The following RDX variants were observed in gnomAD, a reference collection of about 807,000 sequenced individuals.
RDX encodes the protein deafness, autosomal recessive 24.
RDX carries 32 observed loss-of-function variants against 83.7 expected under a neutral mutation model. The ratio of observed to expected loss-of-function variants is 0.38; its 90% confidence interval spans 0.29 to 0.51. The LOEUF is 0.51. Among genes scored for constraint, RDX ranks in the 20% least tolerant of loss-of-function variants. The pLI is 0.87. For synonymous variants in RDX, 229 were observed against 222.7 expected (o/e 1.03, Z -0.25); for missense variants, 600 against 689.9 (o/e 0.87, Z 1.46).
Position 110,289,099 on chromosome 11 carries a change from G to A in RDX, c.-65+7368C>T, listed in dbSNP as rs113980277. 9.1e-4 allele frequency among the ~76,000 whole-genome samples: 138 copies of A among 152,108 alleles called. 1 individual carries two copies. Among genetic ancestry groups the A allele is most frequent in the African/African-American group, 3.2e-3 (133 of 41,494 alleles). On this transcript the variant is annotated intron_variant, in intron 1 of 13. Coordinates refer to ENST00000645495, the MANE Select transcript of RDX (RefSeq NM_002906.4). ...ACCAAAAATAAAAAATTAGCCGAGCGTGGTGGCGCATGCCTGTAATCCCAG... is the reference window on the plus strand; with the variant it reads ...ACCAAAAATAAAAAATTAGCCGAGCATGGTGGCGCATGCCTGTAATCCCAG...
At position 110,230,568 on chromosome 11, in the gene RDX, CACACACAGAGT is replaced by C. The variant is rs1864586365; in HGVS notation, c.*1290_*1300del. The C allele has an allele frequency of 7.2e-6, 1 of 139,222 alleles. No homozygotes were observed. The highest frequency in any genetic ancestry group is 2.7e-5 in the African/African-American group (1 of 37,162). 8.6% of individuals were successfully genotyped at this position (139,222 alleles called of 1,614,324 possible). A position where few individuals can be genotyped will look rare whatever the true frequency, so the allele number is the denominator to read the frequency against. Reference sequence around the variant, plus strand: ...AAGGTTAGCATTTCTCTCTCTCATACACACACAGAGTACACACACACACACACACACACACA... The same window carrying C: ...AAGGTTAGCATTTCTCTCTCTCATACACACACACACACACACACACACACA... On this transcript the variant is annotated 3_prime_UTR_variant, in exon 14 of 14. Coordinates refer to ENST00000645495, the MANE Select transcript of RDX (RefSeq NM_002906.4).
downstream of RDX, among the ~76,000 whole-genome samples, chr11:110,225,948 C>T (rs2134284757): frequency 6.6e-6 from 1 of 151,780 alleles, no homozygotes; most frequent in East Asian, 1.9e-4. Context: ...TGCCTGTAAT[C>T]CTAGCTACTC....
Position 110,253,953 on chromosome 11 carries a change from A to G in RDX, c.952T>C (p.Leu318=), listed in dbSNP as rs1859439805. 3.7e-6 allele frequency: 6 copies of G among 1,613,498 alleles called. No individual in the cohort carries two copies. The highest frequency in any genetic ancestry group is 5.1e-6 in the Non-Finnish European group (6 of 1,179,690). Residue 318 remains leucine (L), a synonymous_variant, in exon 9 of 14, where the codon TTG becomes CTG. Transcript: ENST00000645495. The stretch of plus-strand genomic sequence containing the variant: ...AGGTCATAAACCCCATACCTTTCCA[A>G]CTGCTTCTGATGTTTCTCCTCCCTA... ...QAREEKHQKQ[L]ERAQLENEKK...
rs140546702 is a variant in RDX, at chr11:110,195,382, A to T, written c.*31+4199T>A. 9.2e-5 allele frequency among the ~76,000 whole-genome samples: 14 copies of T among 152,342 alleles called. No individual in the cohort carries two copies. In the East Asian group the frequency reaches 2.7e-3, roughly 29 times the overall value. ...AGGACTAGTGCCATCTTATGAATTA[A>T]TAATGCTGCTTCACATCCCAGCTCT... On this transcript the variant is annotated intron_variant, in intron 15 of 15. Coordinates refer to the RDX transcript ENST00000528498.
At chr11:110,266,571 TA>T (rs1860059684) in intron 3 of RDX, among the ~76,000 whole-genome samples, 1 of 151,854 alleles carries the variant, frequency 6.6e-6, no homozygotes, top group Admixed American at 6.6e-5. Flanking sequence ...AGTTTTTGCT[TA>T]TTTTTTTTTT....
intron 10 of RDX, among the ~76,000 whole-genome samples, chr11:110,244,363 CAAAA>C (rs71053874): frequency 1.9e-5 from 1 of 51,310 alleles, no homozygotes; most frequent in Non-Finnish European, 3.3e-5. Flanking sequence ...GATTCTGGCT[CAAAA>C]AAAAAAAAAA....
chr11:110,227,609 G>C (rs1049472510), downstream of RDX, among the ~76,000 whole-genome samples: 4 of 152,052 alleles, frequency 2.6e-5, no homozygotes, highest in African/African-American at 9.7e-5. Flanking sequence ...TATTGTAATA[G>C]ATAAATGCAA....
chr11:110,268,308 C>T (rs1267104924), intron 3 of RDX, among the ~76,000 whole-genome samples: 4 of 116,300 alleles, frequency 3.4e-5, no homozygotes, highest in African/African-American at 1.4e-4. Context: ...GACTCTGTTT[C>T]GGGGAAAAAA....
At chr11:110,211,164 C>CA (rs1344602826) in intron 14 of RDX, among the ~76,000 whole-genome samples, 2 of 151,706 alleles carry the variant, frequency 1.3e-5, no homozygotes, top group Non-Finnish European at 2.9e-5. Flanking sequence ...CAATGGAAAA[C>CA]AAAAAAAGGC....
chr11:110,285,168 C>G (rs1025320380), intron 1 of RDX, among the ~76,000 whole-genome samples: 1 of 151,936 alleles, frequency 6.6e-6, no homozygotes, highest in Non-Finnish European at 1.5e-5. Context: ...GCAGGCGGAT[C>G]ACGAGGTCAG....
intron 9 of RDX, 84 bp from the exon 10 acceptor site, chr11:110,247,917 T>C (rs1565313606): frequency 4.8e-6 from 7 of 1,458,852 alleles, no homozygotes; most frequent in Non-Finnish European, 6.5e-6. Context: ...CCATAAAAAG[T>C]AACAAAATAA....
chr11:110,238,506 T>C (rs926641884), intron 10 of RDX, among the ~76,000 whole-genome samples: 2 of 152,236 alleles, frequency 1.3e-5, no homozygotes, highest in African/African-American at 4.8e-5. Flanking sequence ...TTTCCCTTAC[T>C]GTATACTAAG....
chr11:110,200,652 A>G (rs1448086853), intron 14 of RDX, among the ~76,000 whole-genome samples: 1 of 152,244 alleles, frequency 6.6e-6, no homozygotes, highest in African/African-American at 2.4e-5. Context: ...ACCCATAATG[A>G]AAAGCTGAGT....
intron 15 of RDX, among the ~76,000 whole-genome samples, chr11:110,188,700 T>C (rs540604527): frequency 6.6e-6 from 1 of 152,246 alleles, no homozygotes; most frequent in South Asian, 2.1e-4. Flanking sequence ...GGGGGCTTCT[T>C]ATGGCATTCT....
At chr11:110,214,873 G>A (rs1360452995) in intron 14 of RDX, among the ~76,000 whole-genome samples, 1 of 146,730 alleles carries the variant, frequency 6.8e-6, no homozygotes, top group Non-Finnish European at 1.5e-5. Flanking sequence ...GATAGCATCG[G>A]GAGATATACC....
chr11:110,188,305 T>TAATAATAAC (rs1555027285), intron 15 of RDX, among the ~76,000 whole-genome samples: 2 of 47,274 alleles, frequency 4.2e-5, no homozygotes, highest in African/African-American at 1.3e-4. Flanking sequence ...AAAATAATAA[T>TAATAATAAC]AATAATAATA....
At position 110,257,809 on chromosome 11, in the gene RDX, C is replaced by A; in HGVS notation, c.656G>T (p.Gly219Val). The part of the protein sequence containing the change: ...KNKKGTELWL[G>V]VDALGLNIYE... Reference sequence around the variant, plus strand: ...AATATTCAGACCCAAAGCATCAACACCTAGCCACAATTCAGTTCCTTTTTT... The same window carrying A: ...AATATTCAGACCCAAAGCATCAACAACTAGCCACAATTCAGTTCCTTTTTT... Residue 219 changes from glycine (G) to valine (V), a missense_variant, in exon 7 of 14, where the codon GGT becomes GTT. Transcript: ENST00000645495. 1 of 1,612,224 alleles carries A rather than the reference C, an allele frequency of 6.2e-7. No homozygotes were observed.
At chr11:110,187,705 G>A (rs1863014569) in intron 15 of RDX, among the ~76,000 whole-genome samples, 1 of 152,224 alleles carries the variant, frequency 6.6e-6, no homozygotes. Context: ...GGACCTGTAA[G>A]CAGTCATTCC....
chr11:110,251,864 C>G (rs746542537), intron 9 of RDX, among the ~76,000 whole-genome samples: 25 of 152,134 alleles, frequency 1.6e-4, no homozygotes, highest in Non-Finnish European at 1.5e-4. Flanking sequence ...GCCAAATATA[C>G]CAAAGTATTG....
Sources: allele counts gnomAD v4.1 joint callset (sites outside exome capture counted in the v4.1 genomes callset), GRCh38; gene constraint gnomAD v4.1.1; transcripts MANE v1.5; gene names NCBI Gene and HGNC (gene_info 2026-07-23, HGNC 2026-07-21).